The following ASCC3 variants were observed in gnomAD, a reference collection of about 807,000 sequenced individuals.
ASCC3 encodes ASC-1 complex subunit P200.
ASCC3 carries 158 observed loss-of-function variants against 256.3 expected under a neutral mutation model. That is an observed-to-expected ratio of 0.62 (90% CI 0.54 to 0.70). The LOEUF is 0.70. ASCC3 is among the 30% of genes least tolerant of loss of function. The probability of loss-of-function intolerance (pLI) is 0.00; values close to 1 mark genes in which losing one functional copy is unlikely to be tolerated. For missense variants in ASCC3, 2,259 were observed against 2,626.0 expected, an observed-to-expected ratio of 0.86 and a Z score of 3.05; for synonymous variants, 948 against 883.4, an observed-to-expected ratio of 1.07 and a Z score of -1.30.
chr6:100,717,176 A>AC (rs1779124900), intron 12 of ASCC3, among the ~76,000 whole-genome samples: 1 of 151,964 alleles, frequency 6.6e-6, no homozygotes, highest in African/African-American at 2.4e-5. Flanking sequence ...ACAGGACATT[A>AC]ACTGTTGTAT....
At chr6:100,574,664 G>A (rs1167744730) in intron 36 of ASCC3, among the ~76,000 whole-genome samples, 1 of 151,052 alleles carries the variant, frequency 6.6e-6, no homozygotes, top group African/African-American at 2.4e-5. Flanking sequence ...CTGTGGGACA[G>A]TTTAAGAAAT....
intron 36 of ASCC3, among the ~76,000 whole-genome samples, chr6:100,563,511 A>G (rs1364413545): frequency 1.3e-5 from 2 of 152,134 alleles, no homozygotes; most frequent in Non-Finnish European, 2.9e-5. Context: ...CATGGATGAT[A>G]AGTGAGGTGG....
At chr6:100,871,303 T>G (rs1479757188) in intron 1 of ASCC3, among the ~76,000 whole-genome samples, 3 of 152,066 alleles carry the variant, frequency 2.0e-5, no homozygotes, top group Non-Finnish European at 4.4e-5. Context: ...CCCATGTTGG[T>G]CAGCCTGGCT....
intron 4 of ASCC3, among the ~76,000 whole-genome samples, chr6:100,813,877 G>A (rs934732059): frequency 1.4e-4 from 22 of 151,902 alleles, no homozygotes; most frequent in African/African-American, 5.1e-4. Context: ...ATATAAAATC[G>A]TGTTGTCTGC....
chr6:100,667,678 T>C (rs1436531777), intron 14 of ASCC3, among the ~76,000 whole-genome samples: 1 of 152,036 alleles, frequency 6.6e-6, no homozygotes, highest in Non-Finnish European at 1.5e-5. Flanking sequence ...GAGTTAGAAT[T>C]GTTTCAAGCT....
At chr6:100,835,892 T>C (rs1392019331) in intron 4 of ASCC3, among the ~76,000 whole-genome samples, 1 of 152,162 alleles carries the variant, frequency 6.6e-6, no homozygotes, top group Non-Finnish European at 1.5e-5. Context: ...ACAAAATATC[T>C]TTCCATTTAT....
At chr6:100,524,962 C>G (rs1380670249) in intron 37 of ASCC3, among the ~76,000 whole-genome samples, 1 of 151,394 alleles carries the variant, frequency 6.6e-6, no homozygotes, top group Non-Finnish European at 1.5e-5. Context: ...GAGGCCAAGG[C>G]AGGACAATCA....
intron 30 of ASCC3, among the ~76,000 whole-genome samples, chr6:100,621,813 C>A (rs918930798): frequency 1.3e-5 from 2 of 152,072 alleles, no homozygotes; most frequent in Non-Finnish European, 2.9e-5. Flanking sequence ...GCACTATTCA[C>A]AATAGCAAAG....
intron 14 of ASCC3, among the ~76,000 whole-genome samples, chr6:100,674,692 G>A (rs1776919383): frequency 6.7e-6 from 1 of 150,322 alleles, no homozygotes; most frequent in East Asian, 2.0e-4. Flanking sequence ...GAGTGCAGTG[G>A]CGCGATCTTG....
chr6:100,802,262 C>A (rs1461020003), intron 5 of ASCC3, among the ~76,000 whole-genome samples: 1 of 151,948 alleles, frequency 6.6e-6, no homozygotes, highest in Non-Finnish European at 1.5e-5. Context: ...AACAGTAATT[C>A]TAACACAAAG....
At chr6:100,854,911 T>C (rs185532043) in intron 3 of ASCC3, among the ~76,000 whole-genome samples, 156 of 152,264 alleles carry the variant, frequency 1.0e-3, no homozygotes, top group African/African-American at 3.4e-3. Context: ...AAAAGATTAT[T>C]TTCACTTCAG....
intron 10 of ASCC3, among the ~76,000 whole-genome samples, chr6:100,734,592 T>C (rs934627041): frequency 7.9e-5 from 12 of 152,108 alleles, no homozygotes; most frequent in African/African-American, 2.9e-4. Flanking sequence ...TTATTTCATA[T>C]AAAAAAGATT....
At chr6:100,651,818 A>G (rs1476534290) in intron 18 of ASCC3, among the ~76,000 whole-genome samples, 172 bp from the exon 19 acceptor site, 2 of 152,034 alleles carry the variant, frequency 1.3e-5, no homozygotes, top group African/African-American at 2.4e-5. Context: ...CAACAAATTT[A>G]TCAAAGACCA....
At chr6:100,723,855 G>A (rs1779459119) in intron 11 of ASCC3, among the ~76,000 whole-genome samples, 1 of 95,042 alleles carries the variant, frequency 1.1e-5, no homozygotes, top group South Asian at 4.0e-4. Flanking sequence ...GAAGTTATTA[G>A]GGAATTATAT....
At chr6:100,673,510 G>A (rs1776856767) in intron 14 of ASCC3, among the ~76,000 whole-genome samples, 1 of 151,628 alleles carries the variant, frequency 6.6e-6, no homozygotes, top group Admixed American at 6.6e-5. Flanking sequence ...CTTCTAAAAT[G>A]CATCTTAAAG....
At chr6:100,720,547 A>G (rs1165176327) in intron 11 of ASCC3, among the ~76,000 whole-genome samples, 1 of 151,856 alleles carries the variant, frequency 6.6e-6, no homozygotes, top group Non-Finnish European at 1.5e-5. Flanking sequence ...AAGAGGGTCA[A>G]TGATATTTAA....
intron 36 of ASCC3, among the ~76,000 whole-genome samples, chr6:100,560,732 C>A (rs1364902876): frequency 2.0e-5 from 3 of 146,482 alleles, no homozygotes; most frequent in Admixed American, 7.0e-5. Flanking sequence ...TAGTCAAACC[C>A]CAAACATCTT....
chr6:100,837,040 CAAAT>C (rs1043078066), intron 4 of ASCC3, among the ~76,000 whole-genome samples: 1 of 151,848 alleles, frequency 6.6e-6, no homozygotes, highest in African/African-American at 2.4e-5. Flanking sequence ...AATAATCTGA[CAAAT>C]AATCCATCAA....
intron 34 of ASCC3, among the ~76,000 whole-genome samples, chr6:100,593,279 C>A (rs921525707): frequency 1.3e-5 from 2 of 152,088 alleles, no homozygotes; most frequent in Non-Finnish European, 2.9e-5. Context: ...GCATCCAGCA[C>A]ATGGGCTACA....
Sources: allele counts gnomAD v4.1 joint callset (sites outside exome capture counted in the v4.1 genomes callset), GRCh38; gene constraint gnomAD v4.1.1; transcripts MANE v1.5; gene names NCBI Gene and HGNC (gene_info 2026-07-23, HGNC 2026-07-21).